Variants in TOP6BL observed in about 807,000 individuals in gnomAD.
TOP6BL encodes the protein TOP6B like initiator of meiotic double strand breaks, also known as type 2 DNA topoisomerase 6 subunit B-like.
the TOP6BL span, chr11:66,821,865 C>A: frequency 7.5e-7 from 1 of 1,337,620 alleles, no homozygotes; most frequent in Non-Finnish European, 1.0e-6. Context: ...CCTTAATGCC[C>A]CTTCCTCTCC....
chr11:66,775,135 A>G, the TOP6BL span, among the ~76,000 whole-genome samples: 1 of 150,096 alleles, frequency 6.7e-6, no homozygotes, highest in African/African-American at 2.4e-5. Context: ...AAAAAAAAAA[A>G]GCTCCACAAA....
chr11:66,761,808 T>C, the TOP6BL span: 1 of 818,706 alleles, frequency 1.2e-6, no homozygotes, highest in Non-Finnish European at 2.2e-6. Context: ...ACTTCCCTGA[T>C]AGAGAAGATG....
chr11:66,783,998 TTG>T, the TOP6BL span, among the ~76,000 whole-genome samples: 1 of 151,936 alleles, frequency 6.6e-6, no homozygotes, highest in African/African-American at 2.4e-5. Flanking sequence ...GTTAATTTTT[TTG>T]TTTTTGTTTT....
chr11:66,827,352 C>T, the TOP6BL span, among the ~76,000 whole-genome samples: 13 of 152,248 alleles, frequency 8.5e-5, no homozygotes, highest in South Asian at 1.2e-3. Flanking sequence ...GCCCAGCCCA[C>T]TTCTCCTTTT....
chr11:66,820,903 A>G, the TOP6BL span, among the ~76,000 whole-genome samples: 1 of 152,142 alleles, frequency 6.6e-6, no homozygotes, highest in Non-Finnish European at 1.5e-5. Flanking sequence ...TAGGTGTGTA[A>G]GTTGCTGGGA....
the TOP6BL span, chr11:66,761,662 ATCTG>A: frequency 4.6e-6 from 5 of 1,087,124 alleles, no homozygotes; most frequent in Non-Finnish European, 5.4e-6. Flanking sequence ...CCACCAACTC[ATCTG>A]CAAAAATGTT....
At chr11:66,776,427 G>A in the TOP6BL span, among the ~76,000 whole-genome samples, 1 of 152,126 alleles carries the variant, frequency 6.6e-6, no homozygotes, top group African/African-American at 2.4e-5. Context: ...TAGAATAGCA[G>A]GGGTAATATT....
the TOP6BL span, among the ~76,000 whole-genome samples, chr11:66,833,285 G>A: frequency 1.3e-5 from 2 of 152,070 alleles, no homozygotes; most frequent in African/African-American, 4.8e-5. Flanking sequence ...CTAGCCTTAG[G>A]TGATCTGGCT....
the TOP6BL span, among the ~76,000 whole-genome samples, chr11:66,785,350 A>G: frequency 3.3e-5 from 5 of 152,196 alleles, no homozygotes; most frequent in Admixed American, 3.3e-4. Flanking sequence ...TTAAAGGTAT[A>G]AAATATAGAT....
the TOP6BL span, among the ~76,000 whole-genome samples, chr11:66,821,470 G>A: frequency 1.3e-5 from 2 of 152,032 alleles, no homozygotes; most frequent in African/African-American, 4.8e-5. Context: ...TGTATTTTTA[G>A]TGGAGACGGG....
chr11:66,838,328 T>A, the TOP6BL span: 1 of 1,583,724 alleles, frequency 6.3e-7, no homozygotes, highest in Non-Finnish European at 8.7e-7. Context: ...CTCGTTCATG[T>A]TTCTACAAAA....
At chr11:66,744,818 G>A in the TOP6BL span, 4 of 1,292,610 alleles carry the variant, frequency 3.1e-6, no homozygotes, top group African/African-American at 6.5e-5. Context: ...GGCTGAGGAG[G>A]GGGCGGCGGC....
the TOP6BL span, among the ~76,000 whole-genome samples, chr11:66,784,956 C>CTTTTTTTTTTT: frequency 2.1e-5 from 2 of 95,124 alleles, no homozygotes; most frequent in Non-Finnish European, 3.9e-5. Flanking sequence ...TCTAAGATTT[C>CTTTTTTTTTTT]TTTTTTTTTT....
At chr11:66,843,511 G>GGCCGCCCGAGTC in the TOP6BL span, 2 of 1,494,160 alleles carry the variant, frequency 1.3e-6, no homozygotes, top group South Asian at 2.5e-5. Context: ...CGGCCGGAGC[G>GGCCGCCCGAGTC]GCCGCCCGAG....
the TOP6BL span, chr11:66,838,451 G>T: frequency 6.2e-7 from 1 of 1,613,350 alleles, no homozygotes; most frequent in Non-Finnish European, 8.5e-7. Flanking sequence ...AGCAGGTAAG[G>T]TTTTAGCTTT....
At chr11:66,800,729 CT>C in the TOP6BL span, 1 of 1,526,070 alleles carries the variant, frequency 6.6e-7, no homozygotes, top group Non-Finnish European at 8.9e-7. Flanking sequence ...TAAGATGATG[CT>C]ATGGCTCTGC....
chr11:66,842,755 C>T, the TOP6BL span: 5 of 1,265,990 alleles, frequency 3.9e-6, no homozygotes, highest in African/African-American at 4.6e-5. Flanking sequence ...GGGAAGAGCC[C>T]CTCGGCGCCC....
chr11:66,744,819 G>GGGCGGCGGC, the TOP6BL span: 10,815 of 1,227,660 alleles, frequency 8.8e-3, 86 homozygotes, highest in Admixed American at 0.021. Context: ...GCTGAGGAGG[G>GGGCGGCGGC]GGCGGCGGCG....
the TOP6BL span, chr11:66,843,036 G>T: frequency 1.3e-6 from 2 of 1,556,538 alleles, no homozygotes; most frequent in Non-Finnish European, 1.7e-6. Flanking sequence ...GGGCCCTGGC[G>T]CCGGGCAGGG....
Sources: gnomAD v4.1 joint callset for allele counts (sites outside exome capture counted in the v4.1 genomes callset) on GRCh38, gnomAD v4.1.1 for gene constraint, MANE v1.5 for transcripts, NCBI Gene and HGNC (gene_info 2026-07-23, HGNC 2026-07-21) for gene names.